The following DOCK6 variants were observed in gnomAD, a reference collection of about 807,000 sequenced individuals.
DOCK6 encodes dedicator of cytokinesis 6.
In DOCK6, 167 loss-of-function variants were observed where a neutral mutation model predicts 230.3. The observed-to-expected ratio is 0.73, with a 90% CI of 0.64 to 0.82. DOCK6 has a LOEUF of 0.82. DOCK6 is among the 40% of genes least tolerant of loss of function. DOCK6 has a pLI of 0.00. For missense variants in DOCK6, 2,598 were observed against 2,825.8 expected (o/e 0.92, Z 1.83); for synonymous variants, 1,148 against 1,185.0 (o/e 0.97, Z 0.64).
intron 7 of DOCK6, among the ~76,000 whole-genome samples, 193 bp from the exon 8 acceptor site, chr19:11,246,071 GTT>G (rs910989677): frequency 3.5e-5 from 5 of 144,152 alleles, no homozygotes; most frequent in Admixed American, 1.4e-4. Context: ...TTTTTTGTTG[GTT>G]TTTTTTTTTT....
rs561612726 is a variant in DOCK6 at position 11,226,670 on chromosome 19, A to G, written c.2955+667T>C. On this transcript the variant is annotated intron_variant, in intron 24 of 47. Coordinates refer to ENST00000294618, the MANE Select transcript of DOCK6 (RefSeq NM_020812.4). ...TGAAACTCTGTCTCAGAAAAAAAAC[A>G]ACAACAAAAAAATGATACGATCCAC... 8.5e-5 allele frequency among the ~76,000 whole-genome samples: 13 copies of G among 152,212 alleles called. No individual in the cohort carries two copies. The East Asian group carries it at 2.5e-3, about 29-fold the overall frequency.
In DOCK6 at chr19:11,200,054, G is replaced by A. The variant is rs2147685262; in HGVS notation, c.6101+254C>T. ...AATCCCAGTTACTCAGGAGGCTGAG[G>A]CAGGAGACTCGCTTGAATCTGGGAG... On this transcript the variant is annotated intron_variant, in intron 47 of 47. Coordinates refer to ENST00000294618, the MANE Select transcript of DOCK6 (RefSeq NM_020812.4). This position sits in a 1 kb window ranked among gnomAD's most constrained non-coding sequence, Gnocchi z 4.3. Among the ~76,000 whole-genome samples, 1 of 151,966 alleles carries A rather than the reference G, an allele frequency of 6.6e-6. No homozygotes were observed. Among genetic ancestry groups the A allele is most frequent in the East Asian group, 1.9e-4 (1 of 5,164 alleles).
chr19:11,259,551 C>CTTTTTTTT (rs2080250521), intron 1 of DOCK6, among the ~76,000 whole-genome samples: 1 of 103,646 alleles, frequency 9.6e-6, no homozygotes, highest in Non-Finnish European at 2.1e-5. Flanking sequence ...ATCATTATTT[C>CTTTTTTTT]TTTTCTTTTT....
chr19:11,229,978 A>T (rs938099879), intron 22 of DOCK6, among the ~76,000 whole-genome samples: 3 of 134,242 alleles, frequency 2.2e-5, no homozygotes, highest in Admixed American at 8.8e-5. Flanking sequence ...TGGGACTTGG[A>T]GGTTGCGGTG....
At chr19:11,253,208 C>T (rs138355766) in intron 2 of DOCK6, among the ~76,000 whole-genome samples, 408 of 152,242 alleles carry the variant, frequency 2.7e-3, no homozygotes, top group African/African-American at 9.4e-3. Context: ...CCTGGAAGGG[C>T]AGAAACTAAC....
intron 24 of DOCK6, among the ~76,000 whole-genome samples, chr19:11,225,063 CAAAA>C (rs770664295): frequency 7.6e-6 from 1 of 132,142 alleles, no homozygotes; most frequent in Non-Finnish European, 1.6e-5. Context: ...GACTCCGTCT[CAAAA>C]AAAAAAAAAA....
At chr19:11,207,901 G>C (rs1429598563) in intron 39 of DOCK6, among the ~76,000 whole-genome samples, 2 of 152,008 alleles carry the variant, frequency 1.3e-5, no homozygotes, top group African/African-American at 4.8e-5. Context: ...CCGCACTCCA[G>C]CCTAGGTGAC....
Position 11,241,600 on chromosome 19 carries a change from C to T in DOCK6, c.1643+445G>A, listed in dbSNP as rs377337313. ...GCAGGCAGGGCAGTTGGATGGGGGG[C>T]GCACAGGGCAGCTGGAAAGGGGCCC... On this transcript the variant is annotated intron_variant, in intron 14 of 47. Coordinates refer to ENST00000294618, the MANE Select transcript of DOCK6 (RefSeq NM_020812.4). 129 of 1,556,932 alleles carry T rather than the reference C, an allele frequency of 8.3e-5. 1 individual carries two copies. In the East Asian group the frequency reaches 1.5e-3, roughly 18 times the overall value.
intron 22 of DOCK6, among the ~76,000 whole-genome samples, chr19:11,231,584 G>A (rs374831490): frequency 1.3e-3 from 204 of 152,304 alleles, no homozygotes; most frequent in South Asian, 2.7e-3. Flanking sequence ...TGCTGGGGGA[G>A]CACTATATTT....
At chr19:11,205,358 C>A (rs1329423326) in intron 39 of DOCK6, among the ~76,000 whole-genome samples, 1 of 152,036 alleles carries the variant, frequency 6.6e-6, no homozygotes, top group Non-Finnish European at 1.5e-5. Context: ...CTCCCCTTAA[C>A]CCCACCCGTG....
chr19:11,241,994 A>T lies in DOCK6; in HGVS notation c.1643+51T>A. ...GCTTAGGGAGACCCCACCCAGCATG[A>T]TGTATGAATACCTCCCATTCAAGTG... is the stretch of plus-strand genomic sequence containing the variant. On this transcript the variant is annotated intron_variant, in intron 14 of 47. Coordinates refer to ENST00000294618, the MANE Select transcript of DOCK6 (RefSeq NM_020812.4). 10 of 1,528,402 alleles carry T rather than the reference A, an allele frequency of 6.5e-6. No individual in the cohort carries two copies. In the South Asian group the frequency reaches 1.3e-4, roughly 19 times the overall value. The allele number at this position is 1,528,402 out of a possible 1,614,324, so 94.7% of individuals were successfully genotyped here.
chr19:11,229,176 A>G, intron 22 of DOCK6, 141 bp from the exon 23 acceptor site: 1 of 1,199,064 alleles, frequency 8.3e-7, no homozygotes, highest in African/African-American at 1.5e-5. Context: ...GGACAAGAGG[A>G]GTGGAAGTGC....
chr19:11,210,405 TCCCTTCACCTGTCTCCTTGCCTGTTCAC>T (rs375837970), intron 37 of DOCK6, among the ~76,000 whole-genome samples: 16 of 144,544 alleles, frequency 1.1e-4, no homozygotes, highest in East Asian at 6.6e-4. Flanking sequence ...CACCAGTCCA[TCCCTTCACCTGTCTCCTTGCCTGTTCAC>T]CCCTTCACCT....
rs1235385733 is a variant in DOCK6 at position 11,242,216 on chromosome 19, G to A, written c.1481-9C>T. On this transcript the variant is annotated splice_polypyrimidine_tract_variant and intron_variant, in intron 13 of 47. Coordinates refer to ENST00000294618, the MANE Select transcript of DOCK6 (RefSeq NM_020812.4). The stretch of plus-strand genomic sequence containing the variant: ...GTCGATCTTGAGCTGGGCTGGGAAG[G>A]GAAGAACCGGTTTGCACCTGCCTGG... 2.8e-6 allele frequency: 4 copies of A among 1,450,464 alleles called. No individual in the cohort carries two copies. The highest frequency in any genetic ancestry group is 2.9e-5 in the African/African-American group (2 of 69,624). The allele number at this position is 1,450,464 out of a possible 1,614,324, so 89.8% of individuals were successfully genotyped here. A position where few individuals can be genotyped will look rare whatever the true frequency, so the allele number is the denominator to read the frequency against.
Position 11,238,284 on chromosome 19 carries a change from G to C in DOCK6, c.1664C>G (p.Pro555Arg). The C allele has an allele frequency of 1.2e-6, 2 of 1,610,494 alleles. No individual in the cohort carries two copies. Among genetic ancestry groups the C allele is most frequent in the Non-Finnish European group, 8.5e-7 (1 of 1,178,524 alleles). The change falls in exon 15 of 48, where the codon CCG becomes CGG. Residue 555 changes from proline (P) to arginine (R), a missense_variant. By Grantham distance (103) the Pro-to-Arg change is moderately radical. Coordinates refer to ENST00000294618, the MANE Select transcript of DOCK6 (RefSeq NM_020812.4). ...GCGGCTGCTGAAGTTGAGGCTGTGC[G>C]GGTACACGTACAGCAGGTTCCTGTG... ...TSYRNLLYVY[P>R]HSLNFSSRQG...
intron 22 of DOCK6, among the ~76,000 whole-genome samples, chr19:11,230,652 A>C (rs1047851308): frequency 6.6e-6 from 1 of 152,016 alleles, no homozygotes; most frequent in Non-Finnish European, 1.5e-5. Flanking sequence ...GAGTGTGGAC[A>C]GAGGAGGTTA....
At position 11,201,797 on chromosome 19, in the gene DOCK6, G is replaced by T. The variant is rs953452314; in HGVS notation, c.5688+92C>A. The T allele has an allele frequency of 4.8e-6, 6 of 1,251,792 alleles. No homozygotes were observed. Among genetic ancestry groups the T allele is most frequent in the Non-Finnish European group, 6.6e-6 (6 of 905,486 alleles). 77.5% of individuals were successfully genotyped at this position (1,251,792 alleles called of 1,614,324 possible). ...GTCTGAGGTCCGTGAACCACCTTGG[G>T]TCTGGGTCCCTGTGTCTACCCTCCC... On this transcript the variant is annotated intron_variant, in intron 44 of 47. Coordinates refer to ENST00000294618, the MANE Select transcript of DOCK6 (RefSeq NM_020812.4). This position sits in a 1 kb window ranked among gnomAD's most constrained non-coding sequence, Gnocchi z 4.3.
intron 14 of DOCK6, chr19:11,240,198 C>G (rs145464906): frequency 5.8e-6 from 9 of 1,557,754 alleles, no homozygotes; most frequent in African/African-American, 2.7e-5. Flanking sequence ...GGAGGTGGCC[C>G]AGGCACAGAA....
At chr19:11,258,955 C>T (rs915527434) in intron 1 of DOCK6, among the ~76,000 whole-genome samples, 1 of 151,638 alleles carries the variant, frequency 6.6e-6, no homozygotes, top group African/African-American at 2.4e-5. Context: ...TGGGGTTTCA[C>T]CATCTACAGA....
Sources: allele counts gnomAD v4.1 joint callset (sites outside exome capture counted in the v4.1 genomes callset), GRCh38; gene constraint gnomAD v4.1.1; non-coding constraint Gnocchi (gnomAD v3.1); transcripts MANE v1.5; gene names NCBI Gene and HGNC (gene_info 2026-07-23, HGNC 2026-07-21).